The following GFRA1 variants were observed in gnomAD, a reference collection of about 807,000 sequenced individuals.
GFRA1 encodes GDNF family receptor alpha 1.
In GFRA1, 16 loss-of-function variants were observed where a neutral mutation model predicts 51.6. The observed-to-expected ratio is 0.31, with a 90% CI of 0.21 to 0.47. The LOEUF (loss-of-function observed/expected upper bound fraction) is 0.47, where lower values mean the gene tolerates loss of function less well. Among genes scored for constraint, GFRA1 ranks in the 20% least tolerant of loss-of-function variants. The pLI is 1.00. For synonymous variants in GFRA1, 270 were observed against 241.3 expected, an observed-to-expected ratio of 1.12 and a Z score of -1.10; for missense variants, 530 against 594.3, an observed-to-expected ratio of 0.89 and a Z score of 1.13.
At chr10:116,180,959 T>C (rs3781544) in intron 5 of GFRA1, among the ~76,000 whole-genome samples, 75,746 of 151,982 alleles carry the variant, frequency 0.5, 20,160 homozygotes, top group Middle Eastern at 0.62. Context: ...GGGACTGGGT[T>C]CAGAAGCCCA....
intron 4 of GFRA1, among the ~76,000 whole-genome samples, chr10:116,228,716 C>T (rs1284944924): frequency 6.6e-6 from 1 of 151,676 alleles, no homozygotes; most frequent in African/African-American, 2.4e-5. Flanking sequence ...GGCACGGTGG[C>T]TCACGCCTGT....
chr10:116,110,982 T>C (rs1957186977), intron 6 of GFRA1, among the ~76,000 whole-genome samples: 2 of 152,082 alleles, frequency 1.3e-5, no homozygotes, highest in African/African-American at 4.8e-5. Context: ...ACACGTGTGT[T>C]TGCTTGAGTC....
intron 6 of GFRA1, among the ~76,000 whole-genome samples, chr10:116,100,606 G>A (rs1956781130): frequency 6.6e-6 from 1 of 152,172 alleles, no homozygotes; most frequent in South Asian, 2.1e-4. Flanking sequence ...AAAAGCAGTG[G>A]AAGCCACTGA....
At chr10:116,191,345 C>T (rs1466337701) in intron 5 of GFRA1, among the ~76,000 whole-genome samples, 2 of 152,194 alleles carry the variant, frequency 1.3e-5, no homozygotes, top group Non-Finnish European at 2.9e-5. Flanking sequence ...AGGCCGTATA[C>T]ATTTTCACCA....
At chr10:116,239,549 A>G (rs905235327) in intron 4 of GFRA1, among the ~76,000 whole-genome samples, 1 of 152,242 alleles carries the variant, frequency 6.6e-6, no homozygotes, top group Non-Finnish European at 1.5e-5. Context: ...ATTCAATTAA[A>G]TAAAGAAAGC....
intron 5 of GFRA1, among the ~76,000 whole-genome samples, chr10:116,136,904 G>A (rs1325771421): frequency 1.3e-5 from 2 of 152,182 alleles, no homozygotes; most frequent in Non-Finnish European, 2.9e-5. Flanking sequence ...ATGAATATAT[G>A]TAAGGATTTT....
chr10:116,125,336 T>C lies in GFRA1; in HGVS notation c.655A>G (p.Ile219Val), dbSNP rs1255037935. 2 of 1,614,218 alleles carry C rather than the reference T, an allele frequency of 1.2e-6. No homozygotes were observed. Among genetic ancestry groups the C allele is most frequent in the South Asian group, 1.1e-5 (1 of 91,090 alleles). Residue 219 changes from isoleucine to valine, a missense_variant, in exon 6 of 11, where the codon ATC (isoleucine) becomes GTC (valine). Transcript: ENST00000355422. ...YGMLFCSCRD[I>V]ACTERRRQTI... ...TGTCGCCTCCGCTCTGTGCAGGCGATGTCCCGGCAGGAGCAGAAGAGCATT... is the reference window on the plus strand; with the variant it reads ...TGTCGCCTCCGCTCTGTGCAGGCGACGTCCCGGCAGGAGCAGAAGAGCATT...
chr10:116,094,859 G>A (rs139962080), intron 7 of GFRA1, among the ~76,000 whole-genome samples: 4 of 152,288 alleles, frequency 2.6e-5, no homozygotes, highest in African/African-American at 9.6e-5. Context: ...GAAAGGAACA[G>A]GCACCCTGAA....
rs1954739383 is a variant in GFRA1 at position 116,060,212 on chromosome 10, CGTGTCAAAGCCAAGAG to C, written c.*4170_*4185del. 6.6e-6 allele frequency: 1 copy of C among 152,134 alleles called. No individual in the cohort carries two copies. Among genetic ancestry groups the C allele is most frequent in the East Asian group, 1.9e-4 (1 of 5,188 alleles). 9.4% of individuals were successfully genotyped at this position (152,134 alleles called of 1,614,324 possible). ...CAAATGGTCACTTGAGAAGCAGAGCCGTGTCAAAGCCAAGAGGTGTCAGATATACACTTGAGATATC... is the reference window on the plus strand; with the variant it reads ...CAAATGGTCACTTGAGAAGCAGAGCCGTGTCAGATATACACTTGAGATATC... On this transcript the variant is annotated 3_prime_UTR_variant, in exon 11 of 11. Coordinates refer to ENST00000355422, the MANE Select transcript of GFRA1 (RefSeq NM_005264.8).
intron 5 of GFRA1, among the ~76,000 whole-genome samples, chr10:116,205,428 A>T (rs972475673): frequency 2.6e-5 from 4 of 151,852 alleles, no homozygotes; most frequent in Non-Finnish European, 1.5e-5. Flanking sequence ...TAAAAAAATT[A>T]GCTGGGCGTA....
rs538107206 is a variant in GFRA1, at chr10:116,220,968, C to G, written c.419-9323G>C. Among the ~76,000 whole-genome samples, 4 of 152,174 alleles carry G rather than the reference C, an allele frequency of 2.6e-5. No homozygotes were observed. The East Asian group carries it at 7.7e-4, about 29-fold the overall frequency. ...TTATTTTCTTTCTCTCTCTTTCTCT[C>G]TAACTAAGCTGAAAGGACCATGATG... On this transcript the variant is annotated intron_variant, in intron 4 of 10. Transcript: ENST00000355422.
intron 5 of GFRA1, among the ~76,000 whole-genome samples, chr10:116,206,633 T>TCACTGA (rs1964784226): frequency 7.1e-6 from 1 of 141,664 alleles, no homozygotes. Flanking sequence ...TTTTTTTTTT[T>TCACTGA]TTTTTTTTTT....
chr10:116,096,875 GCACACGCACA>G (rs1476098101), intron 6 of GFRA1, 111 bp from the exon 7 acceptor site: 398 of 469,604 alleles, frequency 8.5e-4, no homozygotes, highest in East Asian at 1.2e-3. Flanking sequence ...TTCTGCACAC[GCACACGCACA>G]CACACACACA....
At position 116,125,228 on chromosome 10, in the gene GFRA1, T is replaced by C; in HGVS notation, c.763A>G (p.Ile255Val). ...NLQDSCKTNY[I>V]CRSRLADFFT... is the part of the protein sequence containing the mutation. Reference sequence around the variant, plus strand: ...CTGCCAGTGCCCACTTACCTGCAGATGTAATTCGTCTTGCAGGAGTCCTGC... The same window carrying C: ...CTGCCAGTGCCCACTTACCTGCAGACGTAATTCGTCTTGCAGGAGTCCTGC... Residue 255 changes from isoleucine to valine, a missense_variant, in exon 6 of 11, where the codon ATC (isoleucine) becomes GTC (valine). Ile to Val is a conservative substitution (Grantham distance 29, BLOSUM62 3). Transcript: ENST00000355422. 1 of 1,613,546 alleles carries C rather than the reference T, an allele frequency of 6.2e-7. No individual in the cohort carries two copies. Among genetic ancestry groups the C allele is most frequent in the Non-Finnish European group, 8.5e-7 (1 of 1,179,448 alleles).
At chr10:116,109,667 G>A (rs1313419680) in intron 6 of GFRA1, among the ~76,000 whole-genome samples, 2 of 152,142 alleles carry the variant, frequency 1.3e-5, no homozygotes, top group African/African-American at 4.8e-5. Context: ...CCCACGGGGA[G>A]AAACCCGCAT....
chr10:116,116,870 A>G lies in GFRA1; in HGVS notation c.770+8351T>C, dbSNP rs113672332. On this transcript the variant is annotated intron_variant, in intron 6 of 10. Coordinates refer to ENST00000355422, the MANE Select transcript of GFRA1 (RefSeq NM_005264.8). The stretch of plus-strand genomic sequence containing the variant: ...CATGATGGTCTACCTCTCTTTAAAA[A>G]CTGTCTTTAACACTGATGCTGTCTT... 4.3e-4 allele frequency among the ~76,000 whole-genome samples: 66 copies of G among 152,294 alleles called. 1 individual carries two copies. The highest frequency in any genetic ancestry group is 1.5e-3 in the African/African-American group (62 of 41,560).
chr10:116,156,484 A>G (rs927965185), intron 5 of GFRA1, among the ~76,000 whole-genome samples: 2 of 152,230 alleles, frequency 1.3e-5, no homozygotes, highest in Admixed American at 1.3e-4. Context: ...AACTGCTTCA[A>G]AAATCTGTTT....
At chr10:116,119,981 AGCTGT>A (rs1228190460) in intron 6 of GFRA1, among the ~76,000 whole-genome samples, 1 of 152,210 alleles carries the variant, frequency 6.6e-6, no homozygotes, top group Admixed American at 6.5e-5. Context: ...GTTCTCCTGG[AGCTGT>A]GCCAAGGGAG....
At chr10:116,269,946 T>G (rs1196548369) in intron 3 of GFRA1, among the ~76,000 whole-genome samples, 1 of 152,078 alleles carries the variant, frequency 6.6e-6, no homozygotes, top group Non-Finnish European at 1.5e-5. Flanking sequence ...GGAAAGACCC[T>G]TATTTCTGCT....
Sources: gnomAD v4.1 joint callset for allele counts (sites outside exome capture counted in the v4.1 genomes callset) on GRCh38, gnomAD v4.1.1 for gene constraint, MANE v1.5 for transcripts, NCBI Gene and HGNC (gene_info 2026-07-23, HGNC 2026-07-21) for gene names.